THSD4: variants seen among roughly 807,000 people sequenced by gnomAD.
THSD4 encodes thrombospondin type-1 domain-containing protein 4.
A neutral mutation model predicts 119.0 loss-of-function variants in THSD4; 69 were observed. The ratio of observed to expected loss-of-function variants is 0.58; its 90% CI spans 0.48 to 0.71. THSD4 has a LOEUF of 0.71. Among genes scored for constraint, THSD4 ranks in the 30% least tolerant of loss-of-function variants. The pLI, the probability that THSD4 is intolerant of heterozygous loss-of-function variation, is 0.00. For synonymous variants in THSD4, 524 were observed against 540.4 expected (o/e 0.97, Z 0.42); for missense variants, 1,393 against 1,391.1 (o/e 1.00, Z -0.02).
At chr15:71,338,125 A>G (rs1325339421) in intron 6 of THSD4, among the ~76,000 whole-genome samples, 2 of 152,232 alleles carry the variant, frequency 1.3e-5, no homozygotes. Flanking sequence ...TGGGTTCAAA[A>G]TATGGTTTCA....
At chr15:71,290,803 C>T (rs2044780679) in intron 6 of THSD4, among the ~76,000 whole-genome samples, 1 of 150,946 alleles carries the variant, frequency 6.6e-6, no homozygotes, top group African/African-American at 2.4e-5. Flanking sequence ...CTACTGCCAA[C>T]TATAATCAAC....
At chr15:71,606,488 G>T (rs2140902280) in intron 7 of THSD4, among the ~76,000 whole-genome samples, 1 of 126,724 alleles carries the variant, frequency 7.9e-6, no homozygotes, top group South Asian at 3.1e-4. Context: ...CTGCTCAGAG[G>T]AATAAGACCT....
chr15:71,762,777 G>GA (rs1555450340), intron 15 of THSD4, among the ~76,000 whole-genome samples: 1 of 151,556 alleles, frequency 6.6e-6, no homozygotes, highest in African/African-American at 2.4e-5. Context: ...AAATCTTATA[G>GA]TTTTTTTTTG....
chr15:71,469,065 G>A (rs2047537633), intron 7 of THSD4, among the ~76,000 whole-genome samples: 1 of 152,210 alleles, frequency 6.6e-6, no homozygotes, highest in Admixed American at 6.5e-5. Context: ...TGTCACACCT[G>A]TGACAATAAA....
chr15:71,560,960 T>C (rs1002383367), intron 7 of THSD4, among the ~76,000 whole-genome samples: 4 of 145,210 alleles, frequency 2.8e-5, no homozygotes, highest in African/African-American at 1.0e-4. Context: ...CTAAGCATCA[T>C]TCTCTTTATC....
At chr15:71,214,812 C>A (rs1428658897) in intron 3 of THSD4, among the ~76,000 whole-genome samples, 1 of 152,256 alleles carries the variant, frequency 6.6e-6, no homozygotes, top group African/African-American at 2.4e-5. Flanking sequence ...ACACCCAAAG[C>A]CAGGGCCGCA....
intron 1 of THSD4, among the ~76,000 whole-genome samples, chr15:71,116,616 G>T (rs1288487960): frequency 6.6e-6 from 1 of 152,182 alleles, no homozygotes; most frequent in African/African-American, 2.4e-5. Context: ...CGGGCTATGA[G>T]TCTAAAGCTT....
intron 17 of THSD4, 150 bp from the exon 18 acceptor site, chr15:71,777,082 C>T: frequency 1.2e-6 from 1 of 809,196 alleles, no homozygotes; most frequent in South Asian, 1.8e-5. Flanking sequence ...AAGAGAAAAA[C>T]CTGTGAGCCC....
intron 6 of THSD4, among the ~76,000 whole-genome samples, chr15:71,320,389 C>T (rs762629278): frequency 1.3e-5 from 2 of 152,190 alleles, no homozygotes; most frequent in Non-Finnish European, 2.9e-5. Flanking sequence ...CAGCAACTGC[C>T]CTTCTCACGA....
intron 7 of THSD4, among the ~76,000 whole-genome samples, chr15:71,497,452 GC>G (rs1319453927): frequency 6.6e-6 from 1 of 151,950 alleles, no homozygotes; most frequent in African/African-American, 2.4e-5. Context: ...GGCAGAGGCT[GC>G]AGTGAGCCAA....
At chr15:71,775,663 A>T (rs116058547) in intron 17 of THSD4, among the ~76,000 whole-genome samples, 1,724 of 152,352 alleles carry the variant, frequency 0.011, 28 homozygotes, top group African/African-American at 0.039. Flanking sequence ...ATGAGCTGAG[A>T]TAGAGCCACT....
rs140977007 is a variant in THSD4, at chr15:71,216,761, T to G, written c.464+1362T>G. On this transcript the variant is annotated intron_variant, in intron 4 of 17. Coordinates refer to ENST00000261862, the MANE Select transcript of THSD4 (RefSeq NM_024817.3). ...CGAAGGCTAGATGTACGTTGTCTCT[T>G]TTGATCCCAGCCACAATGCCGTAAT... Among the ~76,000 whole-genome samples, 372 of 152,348 alleles carry G rather than the reference T, an allele frequency of 2.4e-3. 4 individuals are homozygous for G. The highest frequency in any genetic ancestry group is 8.5e-3 in the African/African-American group (355 of 41,578).
chr15:71,297,127 G>A (rs543736122), intron 6 of THSD4, among the ~76,000 whole-genome samples: 1 of 151,706 alleles, frequency 6.6e-6, no homozygotes, highest in South Asian at 2.1e-4. Context: ...TCACATCCTT[G>A]TTATTTATTT....
intron 6 of THSD4, among the ~76,000 whole-genome samples, chr15:71,276,630 T>C (rs1327481120): frequency 6.6e-6 from 1 of 152,248 alleles, no homozygotes; most frequent in East Asian, 1.9e-4. Flanking sequence ...CGATTAATCC[T>C]GCTAGTTGCT....
At chr15:71,586,155 C>T (rs955149219) in intron 7 of THSD4, among the ~76,000 whole-genome samples, 1 of 152,052 alleles carries the variant, frequency 6.6e-6, no homozygotes, top group African/African-American at 2.4e-5. Flanking sequence ...ATTCATGTAG[C>T]CTTGGATTGA....
intron 9 of THSD4, chr15:71,730,492 C>T (rs1029861598): frequency 3.9e-5 from 6 of 152,794 alleles, no homozygotes; most frequent in African/African-American, 1.2e-4. Context: ...CACAGTCCTA[C>T]GTAGATTCCT....
At chr15:71,385,312 C>T (rs2046281958) in intron 6 of THSD4, among the ~76,000 whole-genome samples, 1 of 152,204 alleles carries the variant, frequency 6.6e-6, no homozygotes, top group South Asian at 2.1e-4. Context: ...GATACCTCAC[C>T]TGGTTGCCTG....
intron 6 of THSD4, among the ~76,000 whole-genome samples, chr15:71,371,791 C>T (rs980539190): frequency 3.9e-5 from 6 of 152,086 alleles, no homozygotes; most frequent in African/African-American, 1.4e-4. Context: ...ATCTTTGTGG[C>T]ATTCTCTGTA....
chr15:71,172,706 T>TGTGAC (rs1237208542), intron 3 of THSD4, among the ~76,000 whole-genome samples: 2 of 110,852 alleles, frequency 1.8e-5, no homozygotes, highest in African/African-American at 8.6e-5. Flanking sequence ...TATATATATA[T>TGTGAC]ATATATATAT....
Sources: gnomAD v4.1 joint callset for allele counts (sites outside exome capture counted in the v4.1 genomes callset) on GRCh38, gnomAD v4.1.1 for gene constraint, MANE v1.5 for transcripts, NCBI Gene and HGNC (gene_info 2026-07-23, HGNC 2026-07-21) for gene names.